RGS8: variants seen among roughly 807,000 people sequenced by gnomAD.
The protein encoded by RGS8 is regulator of G-protein signaling 8.
Under a neutral mutation model 21.7 loss-of-function variants are expected in RGS8, and 8 were observed. The observed-to-expected ratio is 0.37, with a 90% confidence interval of 0.22 to 0.66. The LOEUF (loss-of-function observed/expected upper bound fraction) is 0.66. RGS8 is among the 30% of genes least tolerant of loss of function. The pLI is 0.59. For missense variants in RGS8, 157 were observed against 217.9 expected, an observed-to-expected ratio of 0.72 and a Z score of 1.76; for synonymous variants, 80 against 83.6, an observed-to-expected ratio of 0.96 and a Z score of 0.24.
chr1:182,679,510 C>T (rs1216418674), intron 1 of RGS8, among the ~76,000 whole-genome samples: 6 of 152,082 alleles, frequency 3.9e-5, no homozygotes, highest in African/African-American at 7.3e-5. Context: ...TTTCCTTCCT[C>T]TCTAATCTTA....
At chr1:182,716,125 G>GT in the RGS8 span, among the ~76,000 whole-genome samples, 50,340 of 147,312 alleles carry the variant, frequency 0.34, 8,833 homozygotes, top group African/African-American at 0.46. Flanking sequence ...ACTGTTTTTT[G>GT]GTTTTTTTTT....
upstream of RGS8, among the ~76,000 whole-genome samples, chr1:182,674,968 G>A (rs1664309188): frequency 6.6e-6 from 1 of 151,842 alleles, no homozygotes; most frequent in South Asian, 2.1e-4. Flanking sequence ...CCCTCTCCAG[G>A]CACCCACCAC....
At chr1:182,673,909 T>C (rs1255267227), upstream of RGS8, among the ~76,000 whole-genome samples, 1 of 152,258 alleles carries the variant, frequency 6.6e-6, no homozygotes, top group African/African-American at 2.4e-5. Context: ...GAGCAGTTAG[T>C]ATGTGCCAGA....
upstream of RGS8, among the ~76,000 whole-genome samples, chr1:182,675,593 T>G (rs977393466): frequency 1.3e-5 from 2 of 152,176 alleles, no homozygotes; most frequent in African/African-American, 4.8e-5. Flanking sequence ...AGGTTTTCTA[T>G]CCCACACACA....
the RGS8 span, among the ~76,000 whole-genome samples, chr1:182,741,878 G>A: frequency 4.3e-5 from 6 of 140,478 alleles, no homozygotes; most frequent in Non-Finnish European, 9.6e-5. Flanking sequence ...CCGGGCGGGG[G>A]GCTGACCCCC....
chr1:182,748,608 G>C, the RGS8 span, among the ~76,000 whole-genome samples: 6 of 152,090 alleles, frequency 3.9e-5, no homozygotes, highest in African/African-American at 9.7e-5. Context: ...CAATTTCTTT[G>C]GATATATACC....
At chr1:182,698,753 C>T in the RGS8 span, among the ~76,000 whole-genome samples, 1 of 152,166 alleles carries the variant, frequency 6.6e-6, no homozygotes, top group African/African-American at 2.4e-5. Flanking sequence ...TAAACTCCAC[C>T]AGTCCTAAGA....
chr1:182,726,609 G>A, the RGS8 span, among the ~76,000 whole-genome samples: 3 of 152,082 alleles, frequency 2.0e-5, no homozygotes, highest in East Asian at 5.8e-4. Flanking sequence ...GGCAGAGGTT[G>A]TGGTGAGCCA....
intron 5 of RGS8, among the ~76,000 whole-genome samples, chr1:182,660,752 A>G (rs780186567): frequency 4.6e-5 from 7 of 151,530 alleles, no homozygotes; most frequent in Non-Finnish European, 8.8e-5. Flanking sequence ...GCCTTTGAGA[A>G]CAGGGTTTCT....
intron 5 of RGS8, among the ~76,000 whole-genome samples, chr1:182,660,876 C>T (rs1181061159): frequency 6.6e-6 from 1 of 151,828 alleles, no homozygotes; most frequent in African/African-American, 2.4e-5. Flanking sequence ...ATTTTTATTT[C>T]TCACAAGCTC....
the RGS8 span, among the ~76,000 whole-genome samples, chr1:182,707,799 C>T: frequency 0.057 from 8,607 of 152,194 alleles, 270 homozygotes; most frequent in African/African-American, 0.084. Context: ...CTCTGCCTCC[C>T]GGGTTCACAC....
chr1:182,689,264 GACACACACACACACACACACAC>G (rs34000229), upstream of RGS8, among the ~76,000 whole-genome samples: 8 of 125,698 alleles, frequency 6.4e-5, no homozygotes, highest in Non-Finnish European at 1.3e-4. Flanking sequence ...CACACACACA[GACACACACACACACACACACAC>G]ACACACACAC....
At chr1:182,727,457 C>T in the RGS8 span, among the ~76,000 whole-genome samples, 6 of 152,202 alleles carry the variant, frequency 3.9e-5, no homozygotes, top group South Asian at 8.3e-4. Context: ...TTTTTCTCTT[C>T]GTGACATTTC....
the RGS8 span, among the ~76,000 whole-genome samples, chr1:182,715,357 C>G: frequency 2.0e-5 from 3 of 152,200 alleles, no homozygotes; most frequent in African/African-American, 7.2e-5. Flanking sequence ...CTCTCACTTA[C>G]CCCTTTAAAT....
the RGS8 span, among the ~76,000 whole-genome samples, chr1:182,726,345 C>T: frequency 6.6e-6 from 1 of 152,100 alleles, no homozygotes; most frequent in Non-Finnish European, 1.5e-5. Context: ...CTATGCAGTG[C>T]CCCCCAGTCT....
the RGS8 span, among the ~76,000 whole-genome samples, chr1:182,722,971 C>T: frequency 6.6e-4 from 100 of 151,002 alleles, no homozygotes; most frequent in African/African-American, 2.2e-3. Context: ...GAGTGAGACT[C>T]GGTCTCAAAA....
chr1:182,676,784 T>A (rs1045414974), upstream of RGS8, among the ~76,000 whole-genome samples: 4 of 152,228 alleles, frequency 2.6e-5, no homozygotes, highest in Non-Finnish European at 5.9e-5. Context: ...CCTTTGGTAC[T>A]AACTCTGCAA....
chr1:182,704,716 C>G, the RGS8 span, among the ~76,000 whole-genome samples: 1 of 152,226 alleles, frequency 6.6e-6, no homozygotes, highest in Non-Finnish European at 1.5e-5. Context: ...GACCCACCCT[C>G]ACTGCCCCCA....
At chr1:182,746,684 GAA>G in the RGS8 span, among the ~76,000 whole-genome samples, 47 of 151,132 alleles carry the variant, frequency 3.1e-4, no homozygotes, top group Admixed American at 2.7e-3. Flanking sequence ...AGGAAAGAAA[GAA>G]AGAAGGAAGG....
Sources: gnomAD v4.1 joint callset for allele counts (sites outside exome capture counted in the v4.1 genomes callset) on GRCh38, gnomAD v4.1.1 for gene constraint, MANE v1.5 for transcripts, NCBI Gene and HGNC (gene_info 2026-07-23, HGNC 2026-07-21) for gene names.